PCNT: variants seen among roughly 807,000 people sequenced by gnomAD.
The protein encoded by PCNT is kendrin.
Under a neutral mutation model 380.4 loss-of-function variants are expected in PCNT, and 319 were observed. The observed-to-expected ratio is 0.84, with a 90% CI of 0.77 to 0.92. The LOEUF (loss-of-function observed/expected upper bound fraction) is 0.92, where lower values mean the gene tolerates loss of function less well. Among genes scored for constraint, PCNT ranks in the 40% least tolerant of loss-of-function variants. The probability of loss-of-function intolerance (pLI) is 0.00; values close to 1 mark genes in which losing one functional copy is unlikely to be tolerated. For missense variants in PCNT, 4,400 were observed against 4,255.3 expected (o/e 1.03, Z -0.95); for synonymous variants, 1,845 against 1,735.2 (o/e 1.06, Z -1.57).
chr21:46,401,719 G>A lies in PCNT; in HGVS notation c.4960G>A (p.Glu1654Lys), dbSNP rs753563469. 2.2e-5 allele frequency: 35 copies of A among 1,613,930 alleles called. No individual in the cohort carries two copies. The highest frequency in any genetic ancestry group is 4.0e-5 in the African/African-American group (3 of 74,926). The change falls in exon 26 of 47, where the codon GAG becomes AAG. Residue 1654 changes from glutamate to lysine, a missense_variant and splice_region_variant. Coordinates refer to ENST00000359568, the MANE Select transcript of PCNT (RefSeq NM_006031.6). ...TQRALLRRESEVLDLKEQLEK... is the reference protein window; with the variant it reads ...TQRALLRRESKVLDLKEQLEK... ...GAGAGCACTCCTGCGGCGCGAGAGC[G>A]AGGTGAGTGCAGAGTGGGGCCATGG...
chr21:46,329,382 AG>A (rs977319061), intron 2 of PCNT, among the ~76,000 whole-genome samples: 4 of 152,248 alleles, frequency 2.6e-5, no homozygotes, highest in African/African-American at 9.6e-5. Context: ...GAAAATTAAC[AG>A]TGGTGGTCAG....
At position 46,363,602 on chromosome 21, in the gene PCNT, A is replaced by G; in HGVS notation, c.2277A>G (p.Leu759=). The G allele has an allele frequency of 1.9e-6, 3 of 1,614,234 alleles. No individual in the cohort carries two copies. The highest frequency in any genetic ancestry group is 1.7e-5 in the Admixed American group (1 of 60,032). The change falls in exon 14 of 47, where the codon CTA becomes CTG. Residue 759 remains leucine (L), a synonymous_variant. Transcript: ENST00000359568. ...ACTGGAAAGTTATGAAGGAGGAGCTACAGCGGGAAGCTGAGGAGAAGTTAA... is the reference window on the plus strand; with the variant it reads ...ACTGGAAAGTTATGAAGGAGGAGCTGCAGCGGGAAGCTGAGGAGAAGTTAA... The part of the protein sequence containing the change: ...ETDWKVMKEE[L]QREAEEKLTL...
intron 44 of PCNT, among the ~76,000 whole-genome samples, chr21:46,443,374 G>T (rs1218442420): frequency 6.6e-6 from 1 of 152,212 alleles, no homozygotes; most frequent in Non-Finnish European, 1.5e-5. Flanking sequence ...TGAGCACTGC[G>T]CCTGGCAGCT....
At chr21:46,335,457 A>G (rs1180610481) in intron 3 of PCNT, among the ~76,000 whole-genome samples, 1 of 152,096 alleles carries the variant, frequency 6.6e-6, no homozygotes, top group Non-Finnish European at 1.5e-5. Flanking sequence ...GCACTTTGGG[A>G]GGCCGAGGTG....
intron 41 of PCNT, 149 bp from the exon 42 acceptor site, chr21:46,439,934 G>A (rs1019227407): frequency 1.7e-5 from 15 of 861,662 alleles, no homozygotes; most frequent in Non-Finnish European, 2.8e-5. Context: ...TGCTGAGGGG[G>A]TGCTGAAGTT....
At position 46,388,859 on chromosome 21, in the gene PCNT, G is replaced by A. The variant is rs770777453; in HGVS notation, c.3582G>A (p.Ala1194=). Residue 1194 remains alanine, a synonymous_variant, in exon 18 of 47, where the codon GCG becomes GCA. Coordinates refer to ENST00000359568, the MANE Select transcript of PCNT (RefSeq NM_006031.6). The surrounding 1 kb of genome is among the most constrained non-coding windows in gnomAD (Gnocchi z 4.2). ...GERVGLCLDD[A]GAGLALSTAP... is the part of the protein sequence containing the mutation. Reference sequence around the variant, plus strand: ...GCGTGGGGCTCTGCCTGGATGACGCGGGCGCAGGCCTGGCCCTGTCGACAG... The same window carrying A: ...GCGTGGGGCTCTGCCTGGATGACGCAGGCGCAGGCCTGGCCCTGTCGACAG... The A allele has an allele frequency of 1.9e-5, 31 of 1,608,244 alleles. No individual in the cohort carries two copies. The East Asian group carries it at 4.2e-4, about 22-fold the overall frequency.
In PCNT at chr21:46,425,969, C is replaced by G; in HGVS notation, c.7318C>G (p.Gln2440Glu). 1.2e-6 allele frequency: 2 copies of G among 1,613,830 alleles called. No homozygotes were observed. The highest frequency in any genetic ancestry group is 1.7e-6 in the Non-Finnish European group (2 of 1,179,966). The stretch of plus-strand genomic sequence containing the variant: ...CATCTCGCTCCATGGGGGAAAGACG[C>G]AGGTTTATTTTGCCCTTCACACACT... ...QDISLHGGKTQEVPTACPDWR... is the reference protein window; with the variant it reads ...QDISLHGGKTEEVPTACPDWR... The change falls in exon 33 of 47, where the codon CAG becomes GAG. Residue 2440 changes from glutamine to glutamate, a missense_variant and splice_region_variant. Gln to Glu is a conservative substitution (Grantham distance 29). Transcript: ENST00000359568. This position sits in a 1 kb window ranked among gnomAD's most constrained non-coding sequence, Gnocchi z 4.2.
intron 14 of PCNT, among the ~76,000 whole-genome samples, chr21:46,364,797 A>G (rs529928321): frequency 6.6e-6 from 1 of 152,238 alleles, no homozygotes; most frequent in Non-Finnish European, 1.5e-5. Context: ...GGATTGGAGA[A>G]ACTCACGTTC....
Position 46,435,596 on chromosome 21 carries a change from G to A in PCNT, c.8752-308G>A, listed in dbSNP as rs60407402. Among the ~76,000 whole-genome samples, 49,019 of 151,508 alleles carry A rather than the reference G, an allele frequency of 0.32. 8,467 individuals are homozygous for A. Among genetic ancestry groups the A allele is most frequent in the East Asian group, 0.43 (2,180 of 5,070 alleles). On this transcript the variant is annotated intron_variant, in intron 38 of 46. Coordinates refer to ENST00000359568, the MANE Select transcript of PCNT (RefSeq NM_006031.6). Reference sequence around the variant, plus strand: ...CTCACTCTGTTGTCCAGGCTGAAGTGCAGTGGCGCAATCTCGGCTCACTGC... The same window carrying A: ...CTCACTCTGTTGTCCAGGCTGAAGTACAGTGGCGCAATCTCGGCTCACTGC...
intron 3 of PCNT, among the ~76,000 whole-genome samples, chr21:46,338,270 C>T (rs1027107982): frequency 8.5e-5 from 13 of 152,180 alleles, no homozygotes; most frequent in African/African-American, 2.9e-4. Context: ...CAACCCCAGC[C>T]CCCAAGAGGG....
At chr21:46,413,741 G>A (rs1361731484) in intron 29 of PCNT, among the ~76,000 whole-genome samples, 1 of 152,172 alleles carries the variant, frequency 6.6e-6, no homozygotes, top group African/African-American at 2.4e-5. Context: ...ATTTATTCTT[G>A]TAATCTGTTC....
chr21:46,433,343 G>A (rs965183703), intron 38 of PCNT, among the ~76,000 whole-genome samples: 4 of 152,212 alleles, frequency 2.6e-5, no homozygotes, highest in African/African-American at 9.6e-5. Context: ...GGATTGCACC[G>A]CTGCACTTCA....
chr21:46,388,323 C>T lies in PCNT; in HGVS notation c.3465-419C>T, dbSNP rs937611299. The stretch of plus-strand genomic sequence containing the variant: ...AACTCCTGTGAATGTGTGGCTGAGG[C>T]GTGACTTGGTGTTGGACAGACATCT... On this transcript the variant is annotated intron_variant, in intron 17 of 46. Coordinates refer to ENST00000359568, the MANE Select transcript of PCNT (RefSeq NM_006031.6). This position sits in a 1 kb window ranked among gnomAD's most constrained non-coding sequence, Gnocchi z 4.2. 1.7e-4 allele frequency among the ~76,000 whole-genome samples: 26 copies of T among 152,160 alleles called. No individual in the cohort carries two copies. Among genetic ancestry groups the T allele is most frequent in the Admixed American group, 1.4e-3 (21 of 15,278 alleles).
At chr21:46,412,691 C>A in intron 28 of PCNT, 146 bp from the exon 29 acceptor site, 1 of 876,740 alleles carries the variant, frequency 1.1e-6, no homozygotes, top group Non-Finnish European at 1.9e-6. Flanking sequence ...TGCTGTGGAC[C>A]AAGGTGCTCG....
chr21:46,344,074 T>C (rs953657682), intron 3 of PCNT, among the ~76,000 whole-genome samples: 100 of 151,560 alleles, frequency 6.6e-4, no homozygotes, highest in Non-Finnish European at 9.7e-4. Context: ...CTTTTCTTTT[T>C]TTTTTTTTGA....
rs1374161409 is a variant in PCNT at position 46,389,434 on chromosome 21, G to A, written c.3840+3G>A. ...TGGCCCTGGACTCCAGCAGGCAGGT[G>A]AGGCCCAGGCTCCCGGGGTCCTGTG... On this transcript the variant is annotated splice_donor_region_variant and intron_variant, in intron 19 of 46. Transcript: ENST00000359568. 1 of 1,611,844 alleles carries A rather than the reference G, an allele frequency of 6.2e-7. No individual in the cohort carries two copies. The highest frequency in any genetic ancestry group is 1.7e-5 in the Admixed American group (1 of 60,008).
chr21:46,443,846 C>A lies in PCNT; in HGVS notation c.9737C>A (p.Thr3246Asn). 1 of 1,613,506 alleles carries A rather than the reference C, an allele frequency of 6.2e-7. No individual in the cohort carries two copies. Among genetic ancestry groups the A allele is most frequent in the Non-Finnish European group, 8.5e-7 (1 of 1,179,992 alleles). Residue 3246 changes from threonine (T) to asparagine (N), a missense_variant, in exon 45 of 47, where the codon ACC becomes AAC. By Grantham distance (65) the Thr-to-Asn change is moderately conservative (BLOSUM62 0). Coordinates refer to ENST00000359568, the MANE Select transcript of PCNT (RefSeq NM_006031.6). ...CGACAGCCGCAGTCTCCACCCAGAA[C>A]CAGAGAGTCCCCCCCAACCCGGGAT... is the stretch of plus-strand genomic sequence containing the variant. ...RARQPQSPPR[T>N]RESPPTRDVP...
rs528999705 is a variant in PCNT at position 46,445,552 on chromosome 21, G to C, written c.*225G>C. On this transcript the variant is annotated 3_prime_UTR_variant, in exon 47 of 47. Coordinates refer to ENST00000359568, the MANE Select transcript of PCNT (RefSeq NM_006031.6). The stretch of plus-strand genomic sequence containing the variant: ...CGTATGTTTTAGGCCCATGACCTTC[G>C]TGAGGTGACGGGCACTCACTCCCAT... The C allele has an allele frequency of 3.5e-6, 2 of 578,618 alleles. No homozygotes were observed. The highest frequency in any genetic ancestry group is 6.2e-6 in the Non-Finnish European group (2 of 324,698). 35.8% of individuals were successfully genotyped at this position (578,618 alleles called of 1,614,324 possible). A position where few individuals can be genotyped will look rare whatever the true frequency, so the allele number is the denominator to read the frequency against.
chr21:46,357,472 C>G (rs920022728), intron 13 of PCNT, among the ~76,000 whole-genome samples: 1 of 152,200 alleles, frequency 6.6e-6, no homozygotes, highest in African/African-American at 2.4e-5. Flanking sequence ...GAGACAGTCT[C>G]ATTCTGTTGC....
Sources: allele counts gnomAD v4.1 joint callset (sites outside exome capture counted in the v4.1 genomes callset), GRCh38; gene constraint gnomAD v4.1.1; non-coding constraint Gnocchi (gnomAD v3.1); transcripts MANE v1.5; gene names NCBI Gene and HGNC (gene_info 2026-07-23, HGNC 2026-07-21).